Variants in GALNT13 observed in about 807,000 individuals in gnomAD.
GALNT13 encodes the protein UDP-GalNAc:polypeptide N-acetylgalactosaminyltransferase 13.
In GALNT13, 28 loss-of-function variants were observed where a neutral mutation model predicts 64.2. That is an observed-to-expected ratio of 0.44 (90% CI 0.32 to 0.60). GALNT13 has a LOEUF of 0.60. GALNT13 is among the 20% of genes least tolerant of loss of function. The pLI, the probability that GALNT13 is intolerant of heterozygous loss-of-function variation, is 0.05. For synonymous variants in GALNT13, 214 were observed against 224.6 expected (o/e 0.95, Z 0.42); for missense variants, 577 against 669.8 (o/e 0.86, Z 1.53).
At chr2:153,840,996 A>G in the GALNT13 span, among the ~76,000 whole-genome samples, 1 of 152,136 alleles carries the variant, frequency 6.6e-6, no homozygotes, top group Non-Finnish European at 1.5e-5. Flanking sequence ...GAATTCTTAG[A>G]TTTTAAATAA....
chr2:153,672,847 C>T, the GALNT13 span, among the ~76,000 whole-genome samples: 129,942 of 150,616 alleles, frequency 0.86, 56,213 homozygotes, highest in East Asian at 0.92. Context: ...AAGAATCAAC[C>T]AGACACAATA....
At chr2:153,431,648 C>T in the GALNT13 span, among the ~76,000 whole-genome samples, 4 of 152,188 alleles carry the variant, frequency 2.6e-5, no homozygotes, top group Admixed American at 2.6e-4. Context: ...GAGAGCTCTA[C>T]TGGACAGACA....
At chr2:154,138,600 A>G (rs1490007428) in intron 3 of GALNT13, among the ~76,000 whole-genome samples, 1 of 151,492 alleles carries the variant, frequency 6.6e-6, no homozygotes, top group Non-Finnish European at 1.5e-5. Context: ...CCTAAACTGA[A>G]TATTTATGGT....
At chr2:153,763,034 T>C in the GALNT13 span, among the ~76,000 whole-genome samples, 1 of 152,014 alleles carries the variant, frequency 6.6e-6, no homozygotes, top group African/African-American at 2.4e-5. Flanking sequence ...ACTTTTATTA[T>C]ACCCACATTT....
chr2:153,918,407 T>C (rs1411999105), intron 2 of GALNT13, among the ~76,000 whole-genome samples: 3 of 152,138 alleles, frequency 2.0e-5, no homozygotes, highest in South Asian at 4.1e-4. Flanking sequence ...AATGTGGTTT[T>C]CTAGAGCGGT....
intron 11 of GALNT13, among the ~76,000 whole-genome samples, chr2:154,431,880 T>C (rs963089827): frequency 3.9e-5 from 6 of 152,206 alleles, no homozygotes; most frequent in African/African-American, 1.4e-4. Context: ...TGCTCCTCCT[T>C]CACCTTCCAC....
intron 9 of GALNT13, among the ~76,000 whole-genome samples, chr2:154,325,577 A>G (rs930834293): frequency 2.0e-5 from 3 of 151,718 alleles, no homozygotes; most frequent in African/African-American, 7.3e-5. Flanking sequence ...AGGTATTTAG[A>G]TTTTTCTTTT....
chr2:153,882,177 A>AG (rs746857224), intron 1 of GALNT13, among the ~76,000 whole-genome samples: 20 of 136,124 alleles, frequency 1.5e-4, no homozygotes, highest in Admixed American at 4.7e-4. Context: ...CCTAGAATGT[A>AG]GGGGGGGGTC....
At chr2:153,930,972 A>G (rs555789598) in intron 2 of GALNT13, among the ~76,000 whole-genome samples, 2 of 151,840 alleles carry the variant, frequency 1.3e-5, no homozygotes, top group South Asian at 2.1e-4. Flanking sequence ...CTGTTTAACC[A>G]TCTATGTTAT....
the GALNT13 span, among the ~76,000 whole-genome samples, chr2:153,616,942 A>G: frequency 2.0e-5 from 3 of 151,990 alleles, no homozygotes; most frequent in Non-Finnish European, 2.9e-5. Flanking sequence ...AGTACCAGAT[A>G]TATAAAGCAA....
chr2:153,479,101 A>T, the GALNT13 span, among the ~76,000 whole-genome samples: 1 of 152,314 alleles, frequency 6.6e-6, no homozygotes, highest in East Asian at 1.9e-4. Flanking sequence ...CGGTCAGCTG[A>T]AAGTTTCAGA....
the GALNT13 span, among the ~76,000 whole-genome samples, chr2:153,371,862 T>C: frequency 6.6e-6 from 1 of 152,306 alleles, no homozygotes; most frequent in East Asian, 1.9e-4. Context: ...ACTCAAGACT[T>C]AGGCTCTAAA....
rs577987751 is a variant in GALNT13 at position 154,264,641 on chromosome 2, A to G, written c.975+5503A>G. Among the ~76,000 whole-genome samples the G allele has an allele frequency of 4.0e-4, 61 of 152,024 alleles. 1 individual carries two copies. Among genetic ancestry groups the G allele is most frequent in the Non-Finnish European group, 7.6e-4 (52 of 68,022 alleles). ...AACAGAGCGAGACTCTGTCAAAAAC[A>G]AACAAACAAACAAAACCCACAGATT... is the stretch of plus-strand genomic sequence containing the variant. On this transcript the variant is annotated intron_variant, in intron 8 of 12. Transcript: ENST00000392825.
At chr2:153,875,793 CTG>C (rs1686325009) in intron 1 of GALNT13, among the ~76,000 whole-genome samples, 1 of 152,184 alleles carries the variant, frequency 6.6e-6, no homozygotes, top group Non-Finnish European at 1.5e-5. Flanking sequence ...CTACATATCT[CTG>C]TTAGGTGTTC....
At chr2:154,029,946 G>A (rs1698235126) in intron 3 of GALNT13, among the ~76,000 whole-genome samples, 1 of 152,090 alleles carries the variant, frequency 6.6e-6, no homozygotes, top group African/African-American at 2.4e-5. Context: ...AATATGGTTG[G>A]TACACCTGAG....
the GALNT13 span, among the ~76,000 whole-genome samples, chr2:153,746,063 C>A: frequency 6.6e-6 from 1 of 152,126 alleles, no homozygotes; most frequent in African/African-American, 2.4e-5. Flanking sequence ...TAGTGATACG[C>A]TATGCTTCAA....
chr2:153,486,957 G>A, the GALNT13 span, among the ~76,000 whole-genome samples: 85 of 152,288 alleles, frequency 5.6e-4, 1 homozygote, highest in African/African-American at 1.9e-3. Flanking sequence ...AAAGCAGGTG[G>A]CTGCAAGGAG....
the GALNT13 span, among the ~76,000 whole-genome samples, chr2:153,611,930 C>T: frequency 1.3e-5 from 2 of 151,230 alleles, no homozygotes; most frequent in South Asian, 4.2e-4. Flanking sequence ...TTGTTCAACT[C>T]CCACTTATGA....
the GALNT13 span, among the ~76,000 whole-genome samples, chr2:153,116,560 T>A: frequency 6.2e-4 from 95 of 152,268 alleles, no homozygotes; most frequent in African/African-American, 2.2e-3. Context: ...ATCACTTACA[T>A]TATGTGTCAC....
Sources: allele counts gnomAD v4.1 joint callset (sites outside exome capture counted in the v4.1 genomes callset), GRCh38; gene constraint gnomAD v4.1.1; transcripts MANE v1.5; gene names NCBI Gene and HGNC (gene_info 2026-07-23, HGNC 2026-07-21).